Variants in NUP93 observed in about 807,000 individuals in gnomAD.
NUP93 encodes the protein nucleoporin 93.
Under a neutral mutation model 107.8 loss-of-function variants are expected in NUP93, and 55 were observed. The ratio of observed to expected loss-of-function variants is 0.51; its 90% CI spans 0.41 to 0.64. The LOEUF (loss-of-function observed/expected upper bound fraction) is 0.64. Ranked by LOEUF, NUP93 falls within the 30% of genes least tolerant of loss-of-function variation. The pLI is 0.00. For missense variants in NUP93, 937 were observed against 1,044.7 expected (o/e 0.90, Z 1.42); for synonymous variants, 390 against 397.5 (o/e 0.98, Z 0.22).
At chr16:56,731,003 A>G (rs563512246) in intron 1 of NUP93, among the ~76,000 whole-genome samples, 6 of 152,024 alleles carry the variant, frequency 3.9e-5, no homozygotes, top group African/African-American at 1.5e-4. Context: ...TTTCCAGGGT[A>G]TGTGGGAGGG....
At position 56,813,893 on chromosome 16, in the gene NUP93, T is replaced by G. The variant is rs968304372; in HGVS notation, c.490-4771T>G. On this transcript the variant is annotated intron_variant, in intron 5 of 21. Coordinates refer to ENST00000308159, the MANE Select transcript of NUP93 (RefSeq NM_014669.5). ...AGTATTCCTCTCATTTTGTCCATGG[T>G]CACACAATCTTAGTAGGGTTAATAA... Among the ~76,000 whole-genome samples, 10 of 152,286 alleles carry G rather than the reference T, an allele frequency of 6.6e-5. 1 individual carries two copies. In the South Asian group the frequency reaches 1.2e-3, roughly 19 times the overall value.
At chr16:56,799,980 C>G (rs1237777456) in intron 4 of NUP93, among the ~76,000 whole-genome samples, 1 of 152,162 alleles carries the variant, frequency 6.6e-6, no homozygotes, top group Non-Finnish European at 1.5e-5. Context: ...GTCAGGAGTT[C>G]GAGACCAGCC....
chr16:56,830,467 AC>A, intron 9 of NUP93, 60 bp from the exon 10 acceptor site: 1 of 1,473,242 alleles, frequency 6.8e-7, no homozygotes, highest in Non-Finnish European at 9.1e-7. Context: ...CGGTTTTAGC[AC>A]ATATGAAAGC....
In NUP93 at chr16:56,782,335, A is replaced by T. The variant is rs182542048; in HGVS notation, c.298-16141A>T. The stretch of plus-strand genomic sequence containing the variant: ...CTTGGTTTGTTTGAAAATTTGAGAT[A>T]AATTTGGAAGCAGTTAACTCATTTG... On this transcript the variant is annotated intron_variant, in intron 3 of 21. Coordinates refer to ENST00000308159, the MANE Select transcript of NUP93 (RefSeq NM_014669.5). 1.5e-4 allele frequency: 67 copies of T among 452,172 alleles called. 1 individual carries two copies. The highest frequency in any genetic ancestry group is 1.4e-3 in the African/African-American group (64 of 47,130). 28.0% of individuals were successfully genotyped at this position (452,172 alleles called of 1,614,324 possible). A position where few individuals can be genotyped will look rare whatever the true frequency, so the allele number is the denominator to read the frequency against.
Position 56,834,187 on chromosome 16 carries a change from A to G in NUP93, c.1597A>G (p.Met533Val). Residue 533 changes from methionine to valine, a missense_variant, in exon 14 of 22, where the codon ATG becomes GTG. Transcript: ENST00000308159. Reference protein sequence around the residue: ...LRRLNFVRLLMLYTRKFESTD... With the variant: ...LRRLNFVRLLVLYTRKFESTD... Reference sequence around the variant, plus strand: ...GCGGCTGAACTTCGTGCGGCTCCTCATGCTGTACACCCGGAAGTTTGAGTC... The same window carrying G: ...GCGGCTGAACTTCGTGCGGCTCCTCGTGCTGTACACCCGGAAGTTTGAGTC... The G allele has an allele frequency of 1.2e-6, 2 of 1,614,146 alleles. No homozygotes were observed. Among genetic ancestry groups the G allele is most frequent in the Non-Finnish European group, 8.5e-7 (1 of 1,180,034 alleles).
At chr16:56,783,761 C>G in intron 3 of NUP93, 1 of 985,354 alleles carries the variant, frequency 1.0e-6, no homozygotes, top group African/African-American at 1.7e-5. Context: ...TTCCATGGCA[C>G]AGGAGCTTTG....
intron 9 of NUP93, 126 bp from the exon 10 acceptor site, chr16:56,830,402 G>A: frequency 1.2e-6 from 1 of 858,752 alleles, no homozygotes; most frequent in South Asian, 2.7e-5. Context: ...GGTTCTCACT[G>A]CAGGGAGCTG....
intron 1 of NUP93, among the ~76,000 whole-genome samples, chr16:56,737,617 C>T (rs995111874): frequency 4.7e-5 from 6 of 127,776 alleles, no homozygotes; most frequent in African/African-American, 6.4e-5. Flanking sequence ...TGGAGTCATA[C>T]GGTGCTTTTT....
chr16:56,761,232 G>A (rs1298308311), intron 3 of NUP93, among the ~76,000 whole-genome samples: 1 of 152,224 alleles, frequency 6.6e-6, no homozygotes, highest in Non-Finnish European at 1.5e-5. Flanking sequence ...GAGGTTTTAA[G>A]TTGTATTGTG....
chr16:56,736,403 G>A (rs1302863968), intron 1 of NUP93, among the ~76,000 whole-genome samples: 1 of 152,212 alleles, frequency 6.6e-6, no homozygotes, highest in East Asian at 1.9e-4. Flanking sequence ...TGTTATCTGA[G>A]TCTGTAGTAT....
At position 56,838,866 on chromosome 16, in the gene NUP93, T is replaced by G. The variant is rs111963009; in HGVS notation, c.2019-86T>G. ...AGGCATGAGCGACCACACCCCACTG[T>G]TTTTTTAAATGCTATTCCACTGTTA... On this transcript the variant is annotated intron_variant, in intron 18 of 21. Coordinates refer to ENST00000308159, the MANE Select transcript of NUP93 (RefSeq NM_014669.5). 963 of 936,516 alleles carry G rather than the reference T, an allele frequency of 1.0e-3. 6 individuals carry two copies. In the African/African-American group the frequency reaches 0.014, roughly 14 times the overall value. 58.0% of individuals were successfully genotyped at this position (936,516 alleles called of 1,614,324 possible).
At chr16:56,837,494 C>T (rs1043026580) in intron 17 of NUP93, 114 bp from the exon 18 acceptor site, 118 of 767,166 alleles carry the variant, frequency 1.5e-4, no homozygotes, top group Admixed American at 3.7e-4. Context: ...ACTTGGGAGG[C>T]GGTAAAAAAT....
chr16:56,783,250 C>G (rs7186533), intron 3 of NUP93: 1 of 152,692 alleles, frequency 6.5e-6, no homozygotes, highest in South Asian at 2.1e-4. Context: ...AATTGTTCAC[C>G]CTAGTTGAGG....
intron 3 of NUP93, chr16:56,783,473 T>G: frequency 5.1e-6 from 5 of 985,424 alleles, no homozygotes; most frequent in Non-Finnish European, 6.0e-6. Context: ...AGAATCGATT[T>G]CTGAGATGAG....
At chr16:56,815,763 A>AC (rs1963407039) in intron 5 of NUP93, among the ~76,000 whole-genome samples, 1 of 151,794 alleles carries the variant, frequency 6.6e-6, no homozygotes, top group Admixed American at 6.6e-5. Context: ...TACCATTACC[A>AC]CCCCCACTTT....
At chr16:56,740,023 G>A (rs80303638) in intron 1 of NUP93, among the ~76,000 whole-genome samples, 1 of 19,026 alleles carries the variant, frequency 5.3e-5, no homozygotes, top group Non-Finnish European at 9.0e-5. Context: ...TAGGGGCGGC[G>A]GGGCAGAGGC....
intron 1 of NUP93, among the ~76,000 whole-genome samples, chr16:56,739,191 C>T (rs1447094759): frequency 2.0e-4 from 19 of 94,538 alleles, no homozygotes; most frequent in East Asian, 5.8e-4. Flanking sequence ...TCCACAAAGC[C>T]GCCATTGTCA....
chr16:56,761,931 A>T (rs1403009044), intron 3 of NUP93, among the ~76,000 whole-genome samples: 1 of 152,260 alleles, frequency 6.6e-6, no homozygotes, highest in Non-Finnish European at 1.5e-5. Flanking sequence ...CAAAGGTAGT[A>T]TATTAAAGAA....
chr16:56,842,844 T>C, intron 21 of NUP93: 4 of 301,584 alleles, frequency 1.3e-5, no homozygotes, highest in Non-Finnish European at 2.6e-5. Flanking sequence ...TGAGCCACCG[T>C]TCCCGGCCCC....
Sources: allele counts gnomAD v4.1 joint callset (sites outside exome capture counted in the v4.1 genomes callset), GRCh38; gene constraint gnomAD v4.1.1; transcripts MANE v1.5; gene names NCBI Gene and HGNC (gene_info 2026-07-23, HGNC 2026-07-21).